MRPL15: variants seen among roughly 807,000 people sequenced by gnomAD.
MRPL15 encodes mitochondrial ribosomal protein L15.
MRPL15 carries 24 observed loss-of-function variants against 28.0 expected under a neutral mutation model. The ratio of observed to expected loss-of-function variants is 0.86; its 90% CI spans 0.62 to 1.21. The LOEUF (loss-of-function observed/expected upper bound fraction) is 1.21. Ranked by LOEUF, MRPL15 falls within the 50% of genes most tolerant of loss-of-function variation. MRPL15 has a pLI of 0.00. For synonymous variants in MRPL15, 124 were observed against 137.0 expected (o/e 0.90, Z 0.66); for missense variants, 343 against 372.4 (o/e 0.92, Z 0.65).
At chr8:54,145,100 G>A (rs956788901) in intron 4 of MRPL15, among the ~76,000 whole-genome samples, 1 of 152,174 alleles carries the variant, frequency 6.6e-6, no homozygotes, top group African/African-American at 2.4e-5. Flanking sequence ...AGCTCTGCAG[G>A]TTGTCCCAGG....
intron 3 of MRPL15, 53 bp downstream of exon 3, chr8:54,137,486 C>T (rs768802782): frequency 1.5e-4 from 235 of 1,552,696 alleles, no homozygotes; most frequent in Middle Eastern, 2.1e-4. Flanking sequence ...TTTTTTTAGA[C>T]AGAGTCTTGC....
intron 4 of MRPL15, among the ~76,000 whole-genome samples, chr8:54,145,075 G>A (rs370023319): frequency 3.9e-5 from 6 of 152,200 alleles, no homozygotes; most frequent in African/African-American, 9.7e-5. Context: ...GCTCTTGTGC[G>A]TGGCTCTCTG....
At chr8:54,144,213 T>C (rs1395319526) in intron 4 of MRPL15, among the ~76,000 whole-genome samples, 1 of 152,256 alleles carries the variant, frequency 6.6e-6, no homozygotes, top group Non-Finnish European at 1.5e-5. Context: ...TTAAATTTTG[T>C]TGAATAAATT....
intron 3 of MRPL15, among the ~76,000 whole-genome samples, chr8:54,140,589 T>TTTTTTTTTTTTTTTG: frequency 7.6e-6 from 1 of 131,996 alleles, no homozygotes; most frequent in Non-Finnish European, 1.5e-5. Flanking sequence ...TTTTTTTTTT[T>TTTTTTTTTTTTTTTG]TTGAGATGGA....
At chr8:54,141,854 ATT>A (rs11438921) in intron 3 of MRPL15, among the ~76,000 whole-genome samples, 2 of 140,002 alleles carry the variant, frequency 1.4e-5, no homozygotes. Flanking sequence ...TGTTGTATTG[ATT>A]TTTTTTTTTT....
chr8:54,147,277 C>T (rs1320273437), intron 4 of MRPL15, 105 bp from the exon 5 acceptor site: 1 of 796,284 alleles, frequency 1.3e-6, no homozygotes. Flanking sequence ...AACTCTGTAA[C>T]ATCTCTATGG....
rs1219392886 is a variant in MRPL15, at chr8:54,137,215, G to A, written c.264-53G>A. On this transcript the variant is annotated intron_variant, in intron 2 of 4. Coordinates refer to ENST00000260102, the MANE Select transcript of MRPL15 (RefSeq NM_014175.4). ...CAAGACAAAGCTTTGAGTTGATTTCGAGAAGTTACAGGAAGATGAGAGTTT... is the reference window on the plus strand; with the variant it reads ...CAAGACAAAGCTTTGAGTTGATTTCAAGAAGTTACAGGAAGATGAGAGTTT... 17 of 1,536,030 alleles carry A rather than the reference G, an allele frequency of 1.1e-5. No homozygotes were observed. In the East Asian group the frequency reaches 2.9e-4, roughly 27 times the overall value.
At chr8:54,144,795 A>G (rs373476447) in intron 4 of MRPL15, among the ~76,000 whole-genome samples, 11 of 152,110 alleles carry the variant, frequency 7.2e-5, no homozygotes, top group African/African-American at 2.4e-4. Flanking sequence ...AACAAAAAAA[A>G]TTTGCCAACA....
intron 4 of MRPL15, among the ~76,000 whole-genome samples, chr8:54,143,481 T>C (rs1270106295): frequency 6.6e-6 from 1 of 152,184 alleles, no homozygotes; most frequent in African/African-American, 2.4e-5. Context: ...TTTTCTTTTA[T>C]GCCCTCATAA....
chr8:54,136,224 A>AT (rs898969764), intron 1 of MRPL15, among the ~76,000 whole-genome samples: 9 of 152,154 alleles, frequency 5.9e-5, no homozygotes, highest in African/African-American at 1.9e-4. Context: ...TAATTCTAGG[A>AT]TTTTTTTCGG....
At position 54,136,593 on chromosome 8, in the gene MRPL15, G is replaced by T; in HGVS notation, c.191G>T (p.Arg64Leu). The T allele has an allele frequency of 6.2e-7, 1 of 1,614,174 alleles. No individual in the cohort carries two copies. The highest frequency in any genetic ancestry group is 8.5e-7 in the Non-Finnish European group (1 of 1,180,012). ...KGERQRGTRPRLGFEGGQTPF... is the reference protein window; with the variant it reads ...KGERQRGTRPLLGFEGGQTPF... ...GAAAGGCAAAGAGGAACCCGGCCCC[G>T]CTTGGGCTTTGAGGGAGGCCAGACT... Residue 64 changes from arginine (R) to leucine (L), a missense_variant, in exon 2 of 5, where the codon CGC becomes CTC. Physicochemically the swap from Arg to Leu is moderately radical, Grantham distance 102. Transcript: ENST00000260102.
intron 4 of MRPL15, among the ~76,000 whole-genome samples, chr8:54,144,787 C>CA (rs1048687149): frequency 6.7e-6 from 1 of 150,344 alleles, no homozygotes; most frequent in Non-Finnish European, 1.5e-5. Flanking sequence ...AAAAAAAAAA[C>CA]AAAAAAAATT....
chr8:54,141,255 T>A (rs1172779740), intron 3 of MRPL15, among the ~76,000 whole-genome samples: 1 of 152,242 alleles, frequency 6.6e-6, no homozygotes, highest in Non-Finnish European at 1.5e-5. Context: ...GCGTTGGTAT[T>A]TCCATCTATG....
chr8:54,142,960 A>G, intron 4 of MRPL15, 174 bp downstream of exon 4: 1 of 946,568 alleles, frequency 1.1e-6, no homozygotes, highest in Non-Finnish European at 1.5e-6. Flanking sequence ...TGACACATAC[A>G]CCAAGGGCAA....
At chr8:54,143,357 G>T (rs1035331809) in intron 4 of MRPL15, among the ~76,000 whole-genome samples, 9 of 152,172 alleles carry the variant, frequency 5.9e-5, no homozygotes, top group Non-Finnish European at 1.0e-4. Flanking sequence ...GGGATTACAG[G>T]TGTGAGCCAC....
intron 3 of MRPL15, among the ~76,000 whole-genome samples, chr8:54,139,766 T>C (rs1026354048): frequency 9.9e-5 from 15 of 152,188 alleles, no homozygotes; most frequent in African/African-American, 3.6e-4. Context: ...CACAAAATTA[T>C]CAATTTGGAA....
At chr8:54,140,311 G>A (rs996182743) in intron 3 of MRPL15, among the ~76,000 whole-genome samples, 2 of 151,898 alleles carry the variant, frequency 1.3e-5, no homozygotes, top group Non-Finnish European at 1.5e-5. Context: ...AGGCTGCAGT[G>A]CAATGGCACA....
At chr8:54,137,496 C>A in intron 3 of MRPL15, 63 bp downstream of exon 3, 1 of 1,500,396 alleles carries the variant, frequency 6.7e-7, no homozygotes, top group Non-Finnish European at 9.1e-7. Flanking sequence ...CAGAGTCTTG[C>A]CCTGTTGCCT....
intron 3 of MRPL15, among the ~76,000 whole-genome samples, chr8:54,142,087 G>T (rs981649015): frequency 1.3e-5 from 2 of 152,108 alleles, no homozygotes; most frequent in Admixed American, 1.3e-4. Flanking sequence ...GACCTCAGGT[G>T]ATCTTCCTGC....
Sources: allele counts gnomAD v4.1 joint callset (sites outside exome capture counted in the v4.1 genomes callset), GRCh38; gene constraint gnomAD v4.1.1; transcripts MANE v1.5; gene names NCBI Gene and HGNC (gene_info 2026-07-23, HGNC 2026-07-21).